SEC24A: variants seen among roughly 807,000 people sequenced by gnomAD.
SEC24A encodes the protein protein transport protein Sec24A.
Under a neutral mutation model 129.4 loss-of-function variants are expected in SEC24A, and 93 were observed. The observed-to-expected ratio is 0.72, with a 90% CI of 0.61 to 0.85. The LOEUF (loss-of-function observed/expected upper bound fraction) is 0.85, where lower values mean the gene tolerates loss of function less well. Ranked by LOEUF, SEC24A falls within the 40% of genes least tolerant of loss-of-function variation. SEC24A has a pLI of 0.00. For missense variants in SEC24A, 1,264 were observed against 1,307.4 expected (o/e 0.97, Z 0.51); for synonymous variants, 460 against 467.3 (o/e 0.98, Z 0.20).
chr5:134,662,359 T>C (rs1022914619), intron 2 of SEC24A, among the ~76,000 whole-genome samples: 11 of 152,040 alleles, frequency 7.2e-5, no homozygotes, highest in African/African-American at 2.7e-4. Flanking sequence ...TTTCACCGTG[T>C]TAGCCAGGAT....
intron 12 of SEC24A, chr5:134,693,489 T>C: frequency 2.8e-6 from 4 of 1,406,090 alleles, no homozygotes; most frequent in Non-Finnish European, 3.7e-6. Context: ...CTTATAGTCT[T>C]GCTGGACTAC....
chr5:134,702,240 C>G (rs1188019549), intron 15 of SEC24A, among the ~76,000 whole-genome samples: 1 of 152,140 alleles, frequency 6.6e-6, no homozygotes, highest in Non-Finnish European at 1.5e-5. Flanking sequence ...GCTTTCAACT[C>G]TTGGGCTTAA....
At chr5:134,662,712 A>G (rs1750516760) in intron 2 of SEC24A, among the ~76,000 whole-genome samples, 1 of 152,184 alleles carries the variant, frequency 6.6e-6, no homozygotes, top group East Asian at 1.9e-4. Context: ...AGCTGCTTCT[A>G]GAAACTTAAG....
At chr5:134,706,199 T>C (rs1348156667) in intron 17 of SEC24A, among the ~76,000 whole-genome samples, 1 of 152,158 alleles carries the variant, frequency 6.6e-6, no homozygotes, top group Non-Finnish European at 1.5e-5. Flanking sequence ...CTATATCTTA[T>C]GTAATGGTTA....
At position 134,716,022 on chromosome 5, in the gene SEC24A, G is replaced by GA. The variant is rs1394643979; in HGVS notation, c.2865+867dup. 5.9e-5 allele frequency among the ~76,000 whole-genome samples: 9 copies of GA among 152,120 alleles called. No individual in the cohort carries two copies. The East Asian group carries it at 1.2e-3, about 20-fold the overall frequency. On this transcript the variant is annotated intron_variant, in intron 19 of 22. Coordinates refer to ENST00000398844, the MANE Select transcript of SEC24A (RefSeq NM_021982.3). ...AATGTAACAGTGTCCTTGAATTAAA[G>GA]AAAAAATACTTCTCTAAGTTGTAAC...
chr5:134,675,941 G>A, intron 6 of SEC24A, 82 bp from the exon 7 acceptor site: 1 of 943,094 alleles, frequency 1.1e-6, no homozygotes, highest in Non-Finnish European at 1.6e-6. Context: ...GTATTAAAAT[G>A]TATACCTTTT....
intron 6 of SEC24A, 108 bp from the exon 7 acceptor site, chr5:134,675,915 T>A: frequency 1.4e-6 from 1 of 693,918 alleles, no homozygotes; most frequent in East Asian, 2.9e-5. Context: ...AAATATTTCA[T>A]CTGTAATCTG....
At chr5:134,685,192 A>G (rs2150090507) in intron 9 of SEC24A, among the ~76,000 whole-genome samples, 1 of 152,198 alleles carries the variant, frequency 6.6e-6, no homozygotes, top group South Asian at 2.1e-4. Flanking sequence ...CAATGTAGCG[A>G]GACCCAAGTC....
chr5:134,665,956 G>C (rs1275207725), intron 2 of SEC24A, among the ~76,000 whole-genome samples: 4 of 152,062 alleles, frequency 2.6e-5, no homozygotes, highest in Non-Finnish European at 5.9e-5. Flanking sequence ...ATGACACATG[G>C]CCTATTGAAT....
intron 8 of SEC24A, among the ~76,000 whole-genome samples, chr5:134,681,779 T>C (rs149799688): frequency 1.1e-3 from 168 of 152,260 alleles, no homozygotes; most frequent in African/African-American, 3.9e-3. Context: ...TTATAAGTGG[T>C]AGGTATGATG....
chr5:134,714,057 C>T (rs1192672546), intron 18 of SEC24A, among the ~76,000 whole-genome samples: 5 of 151,824 alleles, frequency 3.3e-5, no homozygotes, highest in African/African-American at 1.2e-4. Flanking sequence ...AAAAACCTTA[C>T]CCATAACTTT....
At chr5:134,706,800 C>T (rs990795684) in intron 17 of SEC24A, among the ~76,000 whole-genome samples, 2 of 152,196 alleles carry the variant, frequency 1.3e-5, no homozygotes, top group African/African-American at 2.4e-5. Context: ...AAGTGATTCT[C>T]CTGCCTCAGC....
intron 1 of SEC24A, 135 bp downstream of exon 1, chr5:134,649,308 G>A: frequency 1.8e-6 from 1 of 568,510 alleles, no homozygotes; most frequent in Non-Finnish European, 3.0e-6. Flanking sequence ...GTGGGCGGCT[G>A]GGCCAGGGGA....
intron 3 of SEC24A, among the ~76,000 whole-genome samples, chr5:134,668,355 G>A (rs1750739063): frequency 6.6e-6 from 1 of 152,166 alleles, no homozygotes; most frequent in African/African-American, 2.4e-5. Flanking sequence ...TTGGGAGGCC[G>A]AGGTGGGCAG....
chr5:134,679,759 G>T (rs751093340), intron 8 of SEC24A, 31 bp downstream of exon 8: 4 of 1,502,216 alleles, frequency 2.7e-6, no homozygotes, highest in South Asian at 1.3e-5. Context: ...ACATTTAAAC[G>T]TTTCTACTTG....
chr5:134,658,208 T>C (rs1580678506), intron 1 of SEC24A, among the ~76,000 whole-genome samples: 1 of 151,912 alleles, frequency 6.6e-6, no homozygotes, highest in Non-Finnish European at 1.5e-5. Context: ...GAGGCGGAGG[T>C]TGCAGTGAGC....
intron 16 of SEC24A, among the ~76,000 whole-genome samples, chr5:134,705,086 A>ATTTTT (rs1441646206): frequency 7.7e-6 from 1 of 129,618 alleles, no homozygotes; most frequent in South Asian, 2.6e-4. Context: ...ATATATATAT[A>ATTTTT]TATATTTTTT....
At chr5:134,708,226 T>C (rs924725100) in intron 17 of SEC24A, among the ~76,000 whole-genome samples, 1 of 152,102 alleles carries the variant, frequency 6.6e-6, no homozygotes, top group Non-Finnish European at 1.5e-5. Flanking sequence ...TCCCAACACT[T>C]TGGGAGGCTG....
Position 134,661,279 on chromosome 5 carries a change from T to A in SEC24A, c.258T>A (p.Leu86=). Residue 86 remains leucine (L), a synonymous_variant, in exon 2 of 23, where the codon CTT becomes CTA. Transcript: ENST00000398844. ...GTTCTCAGGGATCTGGGCAGACTCTTAATAGACCACCTGTGGCCTCTAATC... is the reference window on the plus strand; with the variant it reads ...GTTCTCAGGGATCTGGGCAGACTCTAAATAGACCACCTGTGGCCTCTAATC... The part of the protein sequence containing the change: ...YGGSQGSGQT[L]NRPPVASNPV... 1 of 1,614,148 alleles carries A rather than the reference T, an allele frequency of 6.2e-7. No individual in the cohort carries two copies. The highest frequency in any genetic ancestry group is 1.1e-5 in the South Asian group (1 of 91,086).
Sources: gnomAD v4.1 joint callset for allele counts (sites outside exome capture counted in the v4.1 genomes callset) on GRCh38, gnomAD v4.1.1 for gene constraint, MANE v1.5 for transcripts, NCBI Gene and HGNC (gene_info 2026-07-23, HGNC 2026-07-21) for gene names.